Variants in TMEM178B observed in about 807,000 individuals in gnomAD.
The protein encoded by TMEM178B is transmembrane protein 178B.
In TMEM178B, 5 loss-of-function variants were observed where a neutral mutation model predicts 31.0. The observed-to-expected ratio is 0.16, with a 90% CI of 0.08 to 0.34. The LOEUF (loss-of-function observed/expected upper bound fraction) is 0.34, where lower values mean the gene tolerates loss of function less well. Ranked by LOEUF, TMEM178B falls within the 10% of genes least tolerant of loss-of-function variation. The probability of loss-of-function intolerance (pLI) is 1.00; values close to 1 mark genes in which losing one functional copy is unlikely to be tolerated. For synonymous variants in TMEM178B, 164 were observed against 164.0 expected (o/e 1.00, Z 0.00); for missense variants, 275 against 400.3 (o/e 0.69, Z 2.67).
At chr7:141,226,705 A>G (rs116088290) in intron 2 of TMEM178B, among the ~76,000 whole-genome samples, 43 of 152,064 alleles carry the variant, frequency 2.8e-4, no homozygotes, top group African/African-American at 1.0e-3. Flanking sequence ...AAAACAAAAC[A>G]AAAATTAGCC....
chr7:141,134,090 G>A (rs1795636469), intron 1 of TMEM178B, among the ~76,000 whole-genome samples: 1 of 151,904 alleles, frequency 6.6e-6, no homozygotes. Context: ...AAAACATTAG[G>A]TGGACATGGT....
At position 141,186,941 on chromosome 7, in the gene TMEM178B, A is replaced by G. The variant is rs570736339; in HGVS notation, c.383-25650A>G. On this transcript the variant is annotated intron_variant, in intron 1 of 3. Transcript: ENST00000565468. ...TTCTTTGAGATGATGCTTTTTTTAAAAATTTTATTATTATTATACTTTAAG... is the reference window on the plus strand; with the variant it reads ...TTCTTTGAGATGATGCTTTTTTTAAGAATTTTATTATTATTATACTTTAAG... Among the ~76,000 whole-genome samples, 8 of 151,956 alleles carry G rather than the reference A, an allele frequency of 5.3e-5. 1 individual carries two copies. The South Asian group carries it at 8.3e-4, about 16-fold the overall frequency.
chr7:141,093,222 A>G (rs1794907226), intron 1 of TMEM178B, among the ~76,000 whole-genome samples: 1 of 152,214 alleles, frequency 6.6e-6, no homozygotes, highest in Admixed American at 6.5e-5. Flanking sequence ...ACCAGAGTAC[A>G]GGGAGAAGAG....
intron 2 of TMEM178B, among the ~76,000 whole-genome samples, chr7:141,215,822 CTTTCTTTCTTTCTTT>C (rs1285231123): frequency 5.7e-5 from 4 of 70,098 alleles, no homozygotes; most frequent in African/African-American, 1.2e-4. Context: ...TTCTTTCTTT[CTTTCTTTCTTTCTTT>C]CTTTTCTTTT....
intron 2 of TMEM178B, among the ~76,000 whole-genome samples, chr7:141,309,836 C>T (rs1169905249): frequency 6.6e-6 from 1 of 152,122 alleles, no homozygotes; most frequent in Non-Finnish European, 1.5e-5. Context: ...TACTCAACAC[C>T]AGAAGTATAT....
At chr7:141,421,362 A>T (rs796968146) in intron 2 of TMEM178B, among the ~76,000 whole-genome samples, 1 of 152,230 alleles carries the variant, frequency 6.6e-6, no homozygotes, top group South Asian at 2.1e-4. Flanking sequence ...GATACCAGTC[A>T]TACTCACTGA....
chr7:141,409,746 G>A (rs1800947066), intron 2 of TMEM178B, among the ~76,000 whole-genome samples: 1 of 146,886 alleles, frequency 6.8e-6, no homozygotes, highest in South Asian at 2.2e-4. Context: ...TTTTTTTTTA[G>A]AAGTAATTTC....
chr7:141,162,869 C>T lies in TMEM178B; in HGVS notation c.383-49722C>T, dbSNP rs140750303. 2.1e-3 allele frequency among the ~76,000 whole-genome samples: 317 copies of T among 152,262 alleles called. 3 individuals are homozygous for T. The highest frequency in any genetic ancestry group is 7.0e-3 in the African/African-American group (289 of 41,546). On this transcript the variant is annotated intron_variant, in intron 1 of 3. Transcript: ENST00000565468. The stretch of plus-strand genomic sequence containing the variant: ...GATTGATTGTGCATGTGGTGCCAAG[C>T]GTGCATGTGGATCCCTCACTTCACT...
chr7:141,372,937 A>G (rs1420331226), intron 2 of TMEM178B, among the ~76,000 whole-genome samples: 1 of 152,174 alleles, frequency 6.6e-6, no homozygotes, highest in Non-Finnish European at 1.5e-5. Context: ...GAAAACTAAA[A>G]GGGATGGAAA....
intron 3 of TMEM178B, among the ~76,000 whole-genome samples, chr7:141,453,425 G>A (rs1801903947): frequency 6.6e-6 from 1 of 152,204 alleles, no homozygotes; most frequent in Non-Finnish European, 1.5e-5. Flanking sequence ...TTAATTATCT[G>A]CTTTACAAAC....
At chr7:141,116,518 C>CT (rs1035563907) in intron 1 of TMEM178B, among the ~76,000 whole-genome samples, 353 of 145,782 alleles carry the variant, frequency 2.4e-3, no homozygotes, top group African/African-American at 4.7e-3. Context: ...AACTTGGAGA[C>CT]TTTTTTTTTT....
At chr7:141,135,570 C>G (rs749396596) in intron 1 of TMEM178B, among the ~76,000 whole-genome samples, 1 of 152,098 alleles carries the variant, frequency 6.6e-6, no homozygotes, top group Non-Finnish European at 1.5e-5. Context: ...AAATCAATAA[C>G]AAGAGGAACT....
At chr7:141,457,541 A>G (rs1180038115) in intron 3 of TMEM178B, among the ~76,000 whole-genome samples, 1 of 152,202 alleles carries the variant, frequency 6.6e-6, no homozygotes, top group African/African-American at 2.4e-5. Context: ...CTCATAAGAA[A>G]GAATAGTGGT....
chr7:141,442,281 T>C (rs939170537), intron 3 of TMEM178B, among the ~76,000 whole-genome samples: 1 of 152,146 alleles, frequency 6.6e-6, no homozygotes, highest in Non-Finnish European at 1.5e-5. Flanking sequence ...GAATCAGGTC[T>C]AAGGCTCCAT....
chr7:141,330,405 C>T (rs938134460), intron 2 of TMEM178B, among the ~76,000 whole-genome samples: 2 of 152,062 alleles, frequency 1.3e-5, no homozygotes, highest in East Asian at 1.9e-4. Context: ...GTTAATTTAC[C>T]GAGGATAATG....
At chr7:141,346,151 G>T (rs578029779) in intron 2 of TMEM178B, among the ~76,000 whole-genome samples, 5 of 152,174 alleles carry the variant, frequency 3.3e-5, no homozygotes, top group African/African-American at 1.2e-4. Flanking sequence ...AACCCAGGAA[G>T]TGGAGCTTGC....
rs555514928 is a variant in TMEM178B, at chr7:141,392,061, GT to G, written c.497-45536del. ...ATATACAGAGGAGTGGAATTCTATG[GT>G]TTTTTTTTTTGAGAAACTGCCATAT... On this transcript the variant is annotated intron_variant, in intron 2 of 3. Transcript: ENST00000565468. 8.9e-3 allele frequency among the ~76,000 whole-genome samples: 1,310 copies of G among 147,014 alleles called. 14 individuals carry two copies. Among genetic ancestry groups the G allele is most frequent in the African/African-American group, 0.03 (1,215 of 40,280 alleles).
chr7:141,187,976 G>A (rs1793268674), intron 1 of TMEM178B, among the ~76,000 whole-genome samples: 1 of 152,108 alleles, frequency 6.6e-6, no homozygotes, highest in Non-Finnish European at 1.5e-5. Context: ...TTTGTCTTTT[G>A]TTGCCATTGC....
chr7:141,459,760 T>TC (rs1204592317), intron 3 of TMEM178B, among the ~76,000 whole-genome samples: 1 of 152,122 alleles, frequency 6.6e-6, no homozygotes, highest in African/African-American at 2.4e-5. Flanking sequence ...GCTGCCAATG[T>TC]CCCCTTCCAT....
Sources: allele counts gnomAD v4.1 joint callset (sites outside exome capture counted in the v4.1 genomes callset), GRCh38; gene constraint gnomAD v4.1.1; transcripts MANE v1.5; gene names NCBI Gene and HGNC (gene_info 2026-07-23, HGNC 2026-07-21).